CNTN6: variants seen among roughly 807,000 people sequenced by gnomAD.
CNTN6 encodes contactin-6.
CNTN6 carries 137 observed loss-of-function variants against 122.8 expected under a neutral mutation model. The ratio of observed to expected loss-of-function variants is 1.12; its 90% confidence interval spans 0.97 to 1.29. The LOEUF is 1.29. Among genes scored for constraint, CNTN6 ranks in the 50% most tolerant of loss-of-function variants. The pLI is 0.00. For synonymous variants in CNTN6, 570 were observed against 426.0 expected (o/e 1.34, Z -4.16); for missense variants, 1,634 against 1,223.4 (o/e 1.34, Z -5.01).
chr3:1,198,860 G>A (rs1454801930), intron 2 of CNTN6, among the ~76,000 whole-genome samples: 1 of 152,200 alleles, frequency 6.6e-6, no homozygotes, highest in Non-Finnish European at 1.5e-5. Flanking sequence ...CTTCGCATAT[G>A]TAATTTGTTA....
At chr3:1,346,350 G>A (rs1344720686) in intron 11 of CNTN6, among the ~76,000 whole-genome samples, 2 of 152,124 alleles carry the variant, frequency 1.3e-5, no homozygotes, top group Non-Finnish European at 2.9e-5. Context: ...GGGAGGTGGA[G>A]CCTGTTTGGG....
intron 11 of CNTN6, among the ~76,000 whole-genome samples, chr3:1,338,714 T>C (rs1481343701): frequency 6.6e-6 from 1 of 152,176 alleles, no homozygotes; most frequent in Non-Finnish European, 1.5e-5. Context: ...TACATAAATA[T>C]TCAACAGCAA....
intron 2 of CNTN6, among the ~76,000 whole-genome samples, chr3:1,206,960 C>T (rs2093966237): frequency 1.3e-5 from 2 of 152,122 alleles, no homozygotes; most frequent in South Asian, 4.1e-4. Context: ...TTAGTTGTTG[C>T]TGTGTCTTCA....
rs140623535 is a variant in CNTN6, at chr3:1,251,013, T to C, written c.358+23020T>C. 2.2e-3 allele frequency among the ~76,000 whole-genome samples: 331 copies of C among 152,296 alleles called. 1 individual carries two copies. Among genetic ancestry groups the C allele is most frequent in the Non-Finnish European group, 3.9e-3 (266 of 68,028 alleles). On this transcript the variant is annotated intron_variant, in intron 4 of 22. Coordinates refer to ENST00000446702, the MANE Select transcript of CNTN6 (RefSeq NM_001289080.2). The stretch of plus-strand genomic sequence containing the variant: ...ATAACTTCTCTTTGTTGCAATCATA[T>C]TCTCATCCCCTAAACTCCAACATTT...
intron 1 of CNTN6, among the ~76,000 whole-genome samples, chr3:1,103,890 T>G (rs2091081050): frequency 6.6e-6 from 1 of 152,128 alleles, no homozygotes; most frequent in South Asian, 2.1e-4. Flanking sequence ...CTTTTATGAT[T>G]TTTTTTCTAC....
chr3:1,312,472 G>A (rs1298925778), intron 7 of CNTN6, among the ~76,000 whole-genome samples: 1 of 151,762 alleles, frequency 6.6e-6, no homozygotes, highest in Non-Finnish European at 1.5e-5. Flanking sequence ...GTTGGAACTG[G>A]GCTCAGGAAA....
At chr3:1,337,359 C>T (rs1315700107) in intron 11 of CNTN6, among the ~76,000 whole-genome samples, 1 of 152,022 alleles carries the variant, frequency 6.6e-6, no homozygotes, top group Non-Finnish European at 1.5e-5. Context: ...CAATATCTAC[C>T]TTCTAAATTA....
intron 1 of CNTN6, among the ~76,000 whole-genome samples, chr3:1,107,965 A>G (rs1345988958): frequency 6.6e-6 from 1 of 152,112 alleles, no homozygotes; most frequent in Non-Finnish European, 1.5e-5. Flanking sequence ...TAGATTTGGA[A>G]TCTCCAGTTG....
intron 7 of CNTN6, among the ~76,000 whole-genome samples, chr3:1,317,298 T>G (rs1270555800): frequency 1.3e-5 from 2 of 151,804 alleles, no homozygotes; most frequent in Admixed American, 6.6e-5. Flanking sequence ...CCAGGAGGAA[T>G]CCACCATATC....
chr3:1,359,338 T>G (rs1707109657), intron 12 of CNTN6, among the ~76,000 whole-genome samples: 1 of 152,086 alleles, frequency 6.6e-6, no homozygotes, highest in African/African-American at 2.4e-5. Flanking sequence ...TGTGTTTACA[T>G]TTTACAATAT....
At chr3:1,369,841 G>A (rs552108909) in intron 12 of CNTN6, among the ~76,000 whole-genome samples, 391 of 150,400 alleles carry the variant, frequency 2.6e-3, no homozygotes, top group Middle Eastern at 7.2e-3. Context: ...TGGATCCCTG[G>A]ATATCTTTTT....
At chr3:1,203,025 GATA>G (rs1416553372) in intron 2 of CNTN6, among the ~76,000 whole-genome samples, 2 of 152,152 alleles carry the variant, frequency 1.3e-5, no homozygotes, top group African/African-American at 4.8e-5. Flanking sequence ...CTCTCAACAT[GATA>G]AGGAGCATTT....
intron 12 of CNTN6, among the ~76,000 whole-genome samples, chr3:1,363,420 T>C (rs1186739811): frequency 6.6e-6 from 1 of 152,024 alleles, no homozygotes; most frequent in African/African-American, 2.4e-5. Flanking sequence ...CTTCCCATTT[T>C]CCTCACTTTT....
intron 11 of CNTN6, among the ~76,000 whole-genome samples, chr3:1,337,433 G>A (rs186538480): frequency 3.3e-5 from 5 of 152,096 alleles, no homozygotes; most frequent in East Asian, 3.9e-4. Context: ...TATCTCCGTC[G>A]CACATGCCTT....
At chr3:1,154,001 G>A (rs1559410394) in intron 2 of CNTN6, among the ~76,000 whole-genome samples, 1 of 152,150 alleles carries the variant, frequency 6.6e-6, no homozygotes, top group Non-Finnish European at 1.5e-5. Flanking sequence ...TGGAACACCA[G>A]GCTGTATTTT....
chr3:1,316,494 T>C (rs943722618), intron 7 of CNTN6, among the ~76,000 whole-genome samples: 10 of 151,780 alleles, frequency 6.6e-5, no homozygotes, highest in African/African-American at 2.4e-4. Context: ...ACGGAGATAG[T>C]GCTAAACCAT....
chr3:1,206,126 T>A (rs184758536), intron 2 of CNTN6, among the ~76,000 whole-genome samples: 117 of 152,266 alleles, frequency 7.7e-4, no homozygotes, highest in African/African-American at 2.6e-3. Context: ...TCCATGTCCA[T>A]ATTGAAATTT....
intron 1 of CNTN6, among the ~76,000 whole-genome samples, chr3:1,123,496 T>G (rs771621592): frequency 3.3e-5 from 5 of 150,060 alleles, no homozygotes; most frequent in Non-Finnish European, 7.5e-5. Context: ...TATTTTTTAT[T>G]TGTTTTTTAA....
intron 7 of CNTN6, among the ~76,000 whole-genome samples, chr3:1,314,890 C>G (rs1559797009): frequency 6.6e-6 from 1 of 151,902 alleles, no homozygotes; most frequent in Admixed American, 6.6e-5. Context: ...TTGCAATGCT[C>G]CTTTTGAAAT....
Sources: allele counts gnomAD v4.1 joint callset (sites outside exome capture counted in the v4.1 genomes callset), GRCh38; gene constraint gnomAD v4.1.1; transcripts MANE v1.5; gene names NCBI Gene and HGNC (gene_info 2026-07-23, HGNC 2026-07-21).